CNTNAP2: variants seen among roughly 807,000 people sequenced by gnomAD.
CNTNAP2 encodes contactin-associated protein-like 2.
In CNTNAP2, 98 loss-of-function variants were observed where a neutral mutation model predicts 155.2. The ratio of observed to expected loss-of-function variants is 0.63; its 90% CI spans 0.54 to 0.75. The LOEUF (loss-of-function observed/expected upper bound fraction) is 0.75. Ranked by LOEUF, CNTNAP2 falls within the 30% of genes least tolerant of loss-of-function variation. CNTNAP2 has a pLI of 0.00. For synonymous variants in CNTNAP2, 651 were observed against 631.2 expected, an observed-to-expected ratio of 1.03 and a Z score of -0.47; for missense variants, 1,727 against 1,688.1, an observed-to-expected ratio of 1.02 and a Z score of -0.40.
At chr7:146,899,373 T>C (rs1795946874) in intron 3 of CNTNAP2, among the ~76,000 whole-genome samples, 1 of 152,186 alleles carries the variant, frequency 6.6e-6, no homozygotes, top group African/African-American at 2.4e-5. Flanking sequence ...CATTCATTCC[T>C]GTCCTCAGCA....
intron 1 of CNTNAP2, among the ~76,000 whole-genome samples, chr7:146,682,035 A>G (rs1241705774): frequency 6.6e-6 from 1 of 152,158 alleles, no homozygotes; most frequent in Admixed American, 6.5e-5. Flanking sequence ...ACATCATCAT[A>G]TATCATCACT....
chr7:147,879,628 A>T (rs548414116), intron 13 of CNTNAP2, among the ~76,000 whole-genome samples: 24 of 152,292 alleles, frequency 1.6e-4, no homozygotes, highest in African/African-American at 5.8e-4. Context: ...TAATCAAAAG[A>T]CTGATGGCAA....
chr7:146,236,278 A>G (rs916657108), intron 1 of CNTNAP2, among the ~76,000 whole-genome samples: 1 of 152,198 alleles, frequency 6.6e-6, no homozygotes, highest in Non-Finnish European at 1.5e-5. Flanking sequence ...ATTCATATCA[A>G]TTATGAGTTG....
intron 15 of CNTNAP2, among the ~76,000 whole-genome samples, chr7:148,035,125 A>G (rs1198376079): frequency 6.6e-6 from 1 of 152,218 alleles, no homozygotes; most frequent in African/African-American, 2.4e-5. Context: ...TGATTTAAAG[A>G]CAGAACTTAT....
At chr7:147,112,355 C>A (rs1447114115) in intron 5 of CNTNAP2, among the ~76,000 whole-genome samples, 2 of 151,988 alleles carry the variant, frequency 1.3e-5, no homozygotes, top group Non-Finnish European at 2.9e-5. Flanking sequence ...ATTTGAATAC[C>A]CTTTGTTTCT....
chr7:147,648,994 G>A (rs374375860), intron 13 of CNTNAP2, among the ~76,000 whole-genome samples: 7 of 152,228 alleles, frequency 4.6e-5, no homozygotes, highest in South Asian at 4.1e-4. Context: ...ATGAAAGAAC[G>A]TTTTCCCTCT....
At position 147,906,814 on chromosome 7, in the gene CNTNAP2, T is replaced by C. The variant is rs369960204; in HGVS notation, c.2255+3093T>C. The stretch of plus-strand genomic sequence containing the variant: ...GCCTCTGAAGCCATTTCAAAGAACA[T>C]GTCTGAATTCAGATCACAGATTAGA... On this transcript the variant is annotated intron_variant, in intron 14 of 23. Transcript: ENST00000361727. Among the ~76,000 whole-genome samples the C allele has an allele frequency of 3.3e-5, 5 of 152,258 alleles. No homozygotes were observed. The East Asian group carries it at 7.8e-4, about 24-fold the overall frequency.
intron 10 of CNTNAP2, among the ~76,000 whole-genome samples, chr7:147,472,404 G>A (rs112873108): frequency 0.13 from 20,091 of 151,476 alleles, 1,505 homozygotes; most frequent in East Asian, 0.3. Context: ...GTAGAGATGG[G>A]GTTTCACAAC....
At position 148,392,540 on chromosome 7, in the gene CNTNAP2, T is replaced by C. The variant is rs575439999; in HGVS notation, c.3715+8652T>C. ...TCCACTGTAACCTTAAGTTATCTGG[T>C]TCTCTGCCCTAACGCTAACCTGCAT... is the stretch of plus-strand genomic sequence containing the variant. On this transcript the variant is annotated intron_variant, in intron 22 of 23. Coordinates refer to ENST00000361727, the MANE Select transcript of CNTNAP2 (RefSeq NM_014141.6). 7.2e-4 allele frequency among the ~76,000 whole-genome samples: 109 copies of C among 152,318 alleles called. 1 individual carries two copies. Among genetic ancestry groups the C allele is most frequent in the African/African-American group, 2.5e-3 (104 of 41,548 alleles).
chr7:146,924,717 G>GA (rs1379979610), intron 3 of CNTNAP2, among the ~76,000 whole-genome samples: 5 of 151,458 alleles, frequency 3.3e-5, no homozygotes, highest in Admixed American at 6.6e-5. Flanking sequence ...ACTATTTTTT[G>GA]AAAAAAAATT....
chr7:147,724,304 A>G (rs904861610), intron 13 of CNTNAP2, among the ~76,000 whole-genome samples: 15 of 152,146 alleles, frequency 9.9e-5, no homozygotes, highest in Admixed American at 5.2e-4. Context: ...CAAGGTTTCC[A>G]TAGAGTCCTA....
intron 3 of CNTNAP2, among the ~76,000 whole-genome samples, chr7:146,983,228 C>A (rs561553055): frequency 1.3e-5 from 2 of 152,102 alleles, no homozygotes; most frequent in Non-Finnish European, 2.9e-5. Flanking sequence ...AAAGATTCTG[C>A]TGAATGGAAG....
intron 13 of CNTNAP2, among the ~76,000 whole-genome samples, chr7:147,881,538 A>G (rs1419772195): frequency 6.6e-6 from 1 of 152,250 alleles, no homozygotes; most frequent in Non-Finnish European, 1.5e-5. Flanking sequence ...AGAAGCTGAC[A>G]TTTACACAGG....
At chr7:146,640,915 A>C (rs142900845) in intron 1 of CNTNAP2, among the ~76,000 whole-genome samples, 1 of 152,244 alleles carries the variant, frequency 6.6e-6, no homozygotes, top group African/African-American at 2.4e-5. Flanking sequence ...GGAAGACAAC[A>C]TCTGCGAACA....
At chr7:147,738,258 A>T (rs995655416) in intron 13 of CNTNAP2, among the ~76,000 whole-genome samples, 3 of 152,216 alleles carry the variant, frequency 2.0e-5, no homozygotes, top group Non-Finnish European at 4.4e-5. Flanking sequence ...TATTACATAA[A>T]CTTAATTAAT....
intron 1 of CNTNAP2, among the ~76,000 whole-genome samples, chr7:146,736,407 C>T (rs1801621416): frequency 6.6e-6 from 1 of 152,084 alleles, no homozygotes; most frequent in Non-Finnish European, 1.5e-5. Flanking sequence ...TGAGACATTG[C>T]CTGTGAGGAT....
intron 1 of CNTNAP2, among the ~76,000 whole-genome samples, chr7:146,199,612 A>C (rs970644583): frequency 6.6e-6 from 1 of 152,208 alleles, no homozygotes; most frequent in Non-Finnish European, 1.5e-5. Flanking sequence ...ACTTGTATAC[A>C]AATGTTTCAG....
chr7:146,905,804 C>T (rs1323981963), intron 3 of CNTNAP2, among the ~76,000 whole-genome samples: 1 of 152,132 alleles, frequency 6.6e-6, no homozygotes, highest in African/African-American at 2.4e-5. Context: ...GCCAAGATGG[C>T]CGAATAGGAA....
At chr7:146,151,714 G>GTATATA (rs548721179) in intron 1 of CNTNAP2, among the ~76,000 whole-genome samples, 45 of 72,428 alleles carry the variant, frequency 6.2e-4, no homozygotes, top group Non-Finnish European at 2.2e-4. Context: ...ATATATATAT[G>GTATATA]TATATATATA....
Sources: gnomAD v4.1 joint callset for allele counts (sites outside exome capture counted in the v4.1 genomes callset) on GRCh38, gnomAD v4.1.1 for gene constraint, MANE v1.5 for transcripts, NCBI Gene and HGNC (gene_info 2026-07-23, HGNC 2026-07-21) for gene names.